MACROD2: variants seen among roughly 807,000 people sequenced by gnomAD.
MACROD2 encodes ADP-ribose glycohydrolase MACROD2.
A neutral mutation model predicts 70.4 loss-of-function variants in MACROD2; 36 were observed. The observed-to-expected ratio is 0.51, with a 90% CI of 0.39 to 0.68. The LOEUF (loss-of-function observed/expected upper bound fraction) is 0.68. MACROD2 is among the 30% of genes least tolerant of loss of function. The pLI is 0.00. For synonymous variants in MACROD2, 172 were observed against 178.8 expected (o/e 0.96, Z 0.30); for missense variants, 496 against 538.4 (o/e 0.92, Z 0.78).
In MACROD2 at chr20:15,026,571, T is replaced by C. The variant is rs1206477297; in HGVS notation, c.419-203369T>C. On this transcript the variant is annotated intron_variant, in intron 5 of 17. Transcript: ENST00000684519. ...CATTCAATAGCCATGAGTAGACTTA[T>C]GGGCTTAGTTAACTCATATGACTCT... 2.6e-5 allele frequency among the ~76,000 whole-genome samples: 4 copies of C among 151,972 alleles called. No homozygotes were observed. The East Asian group carries it at 5.8e-4, about 22-fold the overall frequency.
intron 5 of MACROD2, among the ~76,000 whole-genome samples, chr20:15,114,520 A>G (rs1436294018): frequency 1.3e-5 from 2 of 152,094 alleles, no homozygotes; most frequent in East Asian, 1.9e-4. Flanking sequence ...AACAACCACA[A>G]AGGACTCTTA....
At chr20:14,938,010 T>TGC in intron 5 of MACROD2, among the ~76,000 whole-genome samples, 1 of 151,476 alleles carries the variant, frequency 6.6e-6, no homozygotes, top group South Asian at 2.1e-4. Flanking sequence ...CAAGTTTTTT[T>TGC]TTTTTTTTTT....
chr20:15,492,673 T>A (rs1407463093), intron 7 of MACROD2, among the ~76,000 whole-genome samples: 2 of 152,190 alleles, frequency 1.3e-5, no homozygotes, highest in Admixed American at 6.5e-5. Context: ...AGGACAATCA[T>A]AGGTTTCTAT....
chr20:15,025,708 G>A (rs1211425304), intron 5 of MACROD2, among the ~76,000 whole-genome samples: 1 of 152,138 alleles, frequency 6.6e-6, no homozygotes, highest in Non-Finnish European at 1.5e-5. Flanking sequence ...CTGGAGTAGG[G>A]AGGGGCTGGG....
rs76415061 is a variant in MACROD2, at chr20:15,837,126, A to G, written c.646-25619A>G. Among the ~76,000 whole-genome samples the G allele has an allele frequency of 1.0e-2, 1,518 of 152,270 alleles. 34 individuals are homozygous for G. The highest frequency in any genetic ancestry group is 0.035 in the African/African-American group (1,435 of 41,532). On this transcript the variant is annotated intron_variant, in intron 8 of 17. Transcript: ENST00000684519. The stretch of plus-strand genomic sequence containing the variant: ...AATAGGTTTTGATGGACAGGGCTGT[A>G]CCATGAAGGATAGTAGACGAAAAAA...
At chr20:14,758,009 C>T in intron 5 of MACROD2, 1 of 757,636 alleles carries the variant, frequency 1.3e-6, no homozygotes. Flanking sequence ...AACTGAATTC[C>T]AGTTTAGAGG....
intron 5 of MACROD2, among the ~76,000 whole-genome samples, chr20:14,846,282 G>C (rs1317732329): frequency 6.6e-6 from 1 of 152,066 alleles, no homozygotes. Flanking sequence ...CTGGAGTGCA[G>C]TGACGATCTC....
intron 5 of MACROD2, among the ~76,000 whole-genome samples, chr20:14,831,353 T>G (rs2072963157): frequency 6.6e-6 from 1 of 152,076 alleles, no homozygotes; most frequent in Admixed American, 6.6e-5. Context: ...AGAGGCATAA[T>G]CACAGACTTA....
At chr20:15,897,194 G>A (rs547897817) in intron 10 of MACROD2, among the ~76,000 whole-genome samples, 3 of 152,200 alleles carry the variant, frequency 2.0e-5, no homozygotes, top group Admixed American at 1.3e-4. Flanking sequence ...AGCAGTATTG[G>A]TGGGTAAAAA....
intron 6 of MACROD2, among the ~76,000 whole-genome samples, chr20:15,332,155 A>G (rs1004147719): frequency 6.6e-6 from 1 of 151,546 alleles, no homozygotes; most frequent in Admixed American, 6.6e-5. Flanking sequence ...TGACATGGGC[A>G]TATCATTTTT....
chr20:15,678,558 G>A (rs1038256587), intron 8 of MACROD2, among the ~76,000 whole-genome samples: 5 of 152,006 alleles, frequency 3.3e-5, no homozygotes, highest in African/African-American at 9.7e-5. Flanking sequence ...ACGAGGTTTC[G>A]TTATGTTAGC....
intron 5 of MACROD2, among the ~76,000 whole-genome samples, chr20:15,175,750 T>C (rs2076456259): frequency 6.6e-6 from 1 of 152,226 alleles, no homozygotes; most frequent in African/African-American, 2.4e-5. Context: ...TGGCGGCCCA[T>C]CTGGAGGAGC....
intron 5 of MACROD2, among the ~76,000 whole-genome samples, chr20:15,074,005 C>A (rs544116509): frequency 6.6e-6 from 1 of 152,232 alleles, no homozygotes; most frequent in South Asian, 2.1e-4. Flanking sequence ...CAATTTAGGT[C>A]TTTATTTTAC....
At chr20:15,976,251 C>G (rs1049597788) in intron 13 of MACROD2, among the ~76,000 whole-genome samples, 5 of 152,270 alleles carry the variant, frequency 3.3e-5, no homozygotes, top group African/African-American at 1.2e-4. Context: ...TTAGCTTGAG[C>G]CAAACTTAAT....
chr20:15,533,467 T>C (rs1002139159), intron 8 of MACROD2, among the ~76,000 whole-genome samples: 34 of 152,198 alleles, frequency 2.2e-4, no homozygotes, highest in Admixed American at 2.2e-3. Flanking sequence ...AGTGTAGTTG[T>C]AATACTTTAG....
intron 5 of MACROD2, among the ~76,000 whole-genome samples, chr20:15,147,615 T>C (rs2076240098): frequency 6.6e-6 from 1 of 152,160 alleles, no homozygotes; most frequent in South Asian, 2.1e-4. Flanking sequence ...GCTGAAACAA[T>C]GTCCTGGAAT....
chr20:14,430,505 A>G (rs1203816486), intron 3 of MACROD2, among the ~76,000 whole-genome samples: 1 of 152,202 alleles, frequency 6.6e-6, no homozygotes, highest in East Asian at 1.9e-4. Flanking sequence ...AAATAATGCA[A>G]TATTTCTAGC....
chr20:14,355,137 A>G (rs1441980093), intron 3 of MACROD2, among the ~76,000 whole-genome samples: 1 of 152,198 alleles, frequency 6.6e-6, no homozygotes, highest in Admixed American at 6.5e-5. Context: ...ATACCCAGCA[A>G]TGGGATTGCA....
chr20:15,046,316 C>T (rs1301432769), intron 5 of MACROD2, among the ~76,000 whole-genome samples: 5 of 152,160 alleles, frequency 3.3e-5, no homozygotes, highest in Non-Finnish European at 7.4e-5. Flanking sequence ...ACTCTTACCT[C>T]GTAGTCTCTT....
Sources: gnomAD v4.1 joint callset for allele counts (sites outside exome capture counted in the v4.1 genomes callset) on GRCh38, gnomAD v4.1.1 for gene constraint, MANE v1.5 for transcripts, NCBI Gene and HGNC (gene_info 2026-07-23, HGNC 2026-07-21) for gene names.